Variants in SSPN observed in about 807,000 individuals in gnomAD.
SSPN encodes the protein sarcospan.
SSPN carries 15 observed loss-of-function variants against 19.1 expected under a neutral mutation model. The observed-to-expected ratio is 0.78, with a 90% CI of 0.52 to 1.21. SSPN has a LOEUF of 1.21. Among genes scored for constraint, SSPN ranks in the 50% most tolerant of loss-of-function variants. The probability of loss-of-function intolerance (pLI) is 0.00; values close to 1 mark genes in which losing one functional copy is unlikely to be tolerated. For missense variants in SSPN, 291 were observed against 314.0 expected (o/e 0.93, Z 0.55); for synonymous variants, 147 against 140.3 (o/e 1.05, Z -0.34).
rs1020985807 is a variant in SSPN, at chr12:26,152,864, TC to T, written c.-31+30715del. 3.3e-5 allele frequency among the ~76,000 whole-genome samples: 5 copies of T among 152,380 alleles called. No individual in the cohort carries two copies. The East Asian group carries it at 9.6e-4, about 29-fold the overall frequency. On this transcript the variant is annotated intron_variant, in intron 1 of 2. Coordinates refer to the SSPN transcript ENST00000538142. Reference sequence around the variant, plus strand: ...GGGCCTATCTTATCTGGCTGCAGCCTCCCTTCCAACTTCATCTTGCCATTGT... The same window carrying T: ...GGGCCTATCTTATCTGGCTGCAGCCTCCTTCCAACTTCATCTTGCCATTGT...
chr12:26,188,433 C>A (rs954567490), intron 1 of SSPN, among the ~76,000 whole-genome samples: 6 of 152,184 alleles, frequency 3.9e-5, no homozygotes, highest in South Asian at 2.1e-4. Flanking sequence ...TGCAGTCAGA[C>A]AATGACTCAG....
At chr12:26,181,376 C>A (rs944990127) in intron 1 of SSPN, 4 of 152,126 alleles carry the variant, frequency 2.6e-5, no homozygotes, top group Admixed American at 2.0e-4. Flanking sequence ...TATTTAGGAA[C>A]AAAATCAGTT....
At chr12:26,174,475 G>GCTTCCTTCCTTCCTTCCTTC (rs763960839) in intron 1 of SSPN, among the ~76,000 whole-genome samples, 24 of 121,992 alleles carry the variant, frequency 2.0e-4, no homozygotes, top group Middle Eastern at 4.0e-3. Context: ...TGCTACCCAC[G>GCTTCCTTCCTTCCTTCCTTC]CTTCCTTCCT....
intron 1 of SSPN, among the ~76,000 whole-genome samples, chr12:26,218,527 CCAGACCTATTGGAT>C (rs529942348): frequency 0.012 from 1,827 of 151,826 alleles, 22 homozygotes; most frequent in Non-Finnish European, 0.022. Context: ...AGTCCTCACC[CCAGACCTATTGGAT>C]CAAAAATTCT....
Position 26,127,679 on chromosome 12 carries a change from T to G in SSPN, c.-31+5527T>G, listed in dbSNP as rs558792713. Among the ~76,000 whole-genome samples, 3 of 152,346 alleles carry G rather than the reference T, an allele frequency of 2.0e-5. No individual in the cohort carries two copies. The South Asian group carries it at 6.2e-4, about 32-fold the overall frequency. Reference sequence around the variant, plus strand: ...TTATGTTCTCTGTCTACCTTTTCCCTGTTAAATGCCAGCTTTTGCCATTTC... The same window carrying G: ...TTATGTTCTCTGTCTACCTTTTCCCGGTTAAATGCCAGCTTTTGCCATTTC... On this transcript the variant is annotated intron_variant, in intron 1 of 2. Coordinates refer to the SSPN transcript ENST00000538142.
chr12:26,170,457 C>T (rs1412854992), intron 1 of SSPN, among the ~76,000 whole-genome samples: 1 of 152,164 alleles, frequency 6.6e-6, no homozygotes, highest in Non-Finnish European at 1.5e-5. Flanking sequence ...AAGTAGACTT[C>T]ATAATATAGT....
At chr12:26,219,212 G>A (rs1945092223) in intron 1 of SSPN, among the ~76,000 whole-genome samples, 1 of 152,084 alleles carries the variant, frequency 6.6e-6, no homozygotes, top group Non-Finnish European at 1.5e-5. Flanking sequence ...TTGTGTGAAT[G>A]TCACAAGACC....
chr12:26,128,433 T>A (rs1944379115), intron 1 of SSPN, among the ~76,000 whole-genome samples: 1 of 152,340 alleles, frequency 6.6e-6, no homozygotes, highest in Non-Finnish European at 1.5e-5. Flanking sequence ...ACTCTTATAA[T>A]TTTGTACAGA....
intron 1 of SSPN, among the ~76,000 whole-genome samples, chr12:26,199,567 T>C (rs1944860179): frequency 6.6e-6 from 1 of 152,174 alleles, no homozygotes; most frequent in South Asian, 2.1e-4. Flanking sequence ...GACAGAGAAG[T>C]GTGTTCTGCA....
rs76166218 is a variant in SSPN, at chr12:26,223,897, G to T, written c.280-396G>T. Among the ~76,000 whole-genome samples, 254 of 152,258 alleles carry T rather than the reference G, an allele frequency of 1.7e-3. 1 individual carries two copies. Among genetic ancestry groups the T allele is most frequent in the African/African-American group, 5.9e-3 (245 of 41,556 alleles). Reference sequence around the variant, plus strand: ...AGCCTTTTATATCGCCCAACTCAATGTAATTTCTTCCTCTTTTTGTACTTC... The same window carrying T: ...AGCCTTTTATATCGCCCAACTCAATTTAATTTCTTCCTCTTTTTGTACTTC... On this transcript the variant is annotated intron_variant, in intron 1 of 2. Transcript: ENST00000242729.
chr12:26,220,950 G>T (rs1023721151), intron 1 of SSPN, among the ~76,000 whole-genome samples: 14 of 152,140 alleles, frequency 9.2e-5, no homozygotes, highest in African/African-American at 3.1e-4. Context: ...GCCTCTAGGT[G>T]ATCTTCTCTT....
chr12:26,187,391 C>T (rs1395852581), intron 1 of SSPN, among the ~76,000 whole-genome samples: 2 of 152,216 alleles, frequency 1.3e-5, no homozygotes, highest in Non-Finnish European at 2.9e-5. Flanking sequence ...TGAACATTTT[C>T]TTGCCAAGAT....
At chr12:26,213,705 A>T (rs1479115990) in intron 1 of SSPN, among the ~76,000 whole-genome samples, 1 of 151,538 alleles carries the variant, frequency 6.6e-6, no homozygotes, top group African/African-American at 2.4e-5. Flanking sequence ...TTACCAATTC[A>T]TTTTTTAAGG....
Position 26,206,280 on chromosome 12 carries a change from A to G in SSPN, c.279+10329A>G, listed in dbSNP as rs1018245268. Among the ~76,000 whole-genome samples the G allele has an allele frequency of 2.0e-5, 3 of 152,188 alleles. No individual in the cohort carries two copies. The South Asian group carries it at 6.2e-4, about 32-fold the overall frequency. On this transcript the variant is annotated intron_variant, in intron 1 of 2. Coordinates refer to ENST00000242729, the MANE Select transcript of SSPN (RefSeq NM_005086.5). ...GACAAAACACTTTCAAAGGAGAAGT[A>G]ATATTATAATATATATTACTTTATG... is the stretch of plus-strand genomic sequence containing the variant.
chr12:26,122,194 G>T, intron 1 of SSPN: 1 of 1,444,138 alleles, frequency 6.9e-7, no homozygotes, highest in Non-Finnish European at 9.1e-7. Flanking sequence ...GGCGCCCCAA[G>T]GGGCGCCACC....
At chr12:26,207,449 T>C (rs987631147) in intron 1 of SSPN, among the ~76,000 whole-genome samples, 1 of 152,182 alleles carries the variant, frequency 6.6e-6, no homozygotes, top group Non-Finnish European at 1.5e-5. Flanking sequence ...CCATGTTTCA[T>C]TTCTTAATCA....
intron 1 of SSPN, among the ~76,000 whole-genome samples, chr12:26,159,936 A>T (rs1271999911): frequency 3.9e-5 from 6 of 152,132 alleles, no homozygotes; most frequent in African/African-American, 1.4e-4. Flanking sequence ...TAGAGAAGGG[A>T]TCCTCTCTGT....
intron 1 of SSPN, among the ~76,000 whole-genome samples, chr12:26,156,256 C>T (rs1017697442): frequency 1.3e-5 from 2 of 152,158 alleles, no homozygotes. Flanking sequence ...CCGTTAATCA[C>T]GTAGCTCACA....
At chr12:26,224,548 T>C (rs1480019999) in intron 2 of SSPN, among the ~76,000 whole-genome samples, 169 bp downstream of exon 2, 2 of 152,144 alleles carry the variant, frequency 1.3e-5, no homozygotes, top group African/African-American at 2.4e-5. Flanking sequence ...TCAAAGGTAA[T>C]GCTGATTTTT....
Sources: allele counts gnomAD v4.1 joint callset (sites outside exome capture counted in the v4.1 genomes callset), GRCh38; gene constraint gnomAD v4.1.1; transcripts MANE v1.5; gene names NCBI Gene and HGNC (gene_info 2026-07-23, HGNC 2026-07-21).